COL22A1: variants seen among roughly 807,000 people sequenced by gnomAD.
COL22A1 encodes collagen type XXII alpha 1 chain.
Under a neutral mutation model 248.9 loss-of-function variants are expected in COL22A1, and 221 were observed. The observed-to-expected ratio is 0.89, with a 90% CI of 0.80 to 0.99. The LOEUF (loss-of-function observed/expected upper bound fraction) is 0.99. Ranked by LOEUF, COL22A1 falls within the 50% of genes least tolerant of loss-of-function variation. COL22A1 has a pLI of 0.00. For synonymous variants in COL22A1, 891 were observed against 793.4 expected, an observed-to-expected ratio of 1.12 and a Z score of -2.07; for missense variants, 2,240 against 2,179.0, an observed-to-expected ratio of 1.03 and a Z score of -0.56.
intron 7 of COL22A1, among the ~76,000 whole-genome samples, chr8:138,820,263 T>C (rs534059622): frequency 1.5e-4 from 23 of 152,208 alleles, no homozygotes; most frequent in Non-Finnish European, 2.9e-4. Context: ...GAAAGAGCTT[T>C]CCCCACATCA....
rs556643725 is a variant in COL22A1 at position 138,856,351 on chromosome 8, G to C, written c.659-12193C>G. 1.6e-4 allele frequency among the ~76,000 whole-genome samples: 25 copies of C among 152,296 alleles called. No individual in the cohort carries two copies. In the East Asian group the frequency reaches 4.1e-3, roughly 25 times the overall value. Reference sequence around the variant, plus strand: ...CATTTGTGTGTGAATGCATTTGGGCGTTTCTGCAGTGGGGGTGCTGGCCTT... The same window carrying C: ...CATTTGTGTGTGAATGCATTTGGGCCTTTCTGCAGTGGGGGTGCTGGCCTT... On this transcript the variant is annotated intron_variant, in intron 3 of 64. Coordinates refer to ENST00000303045, the MANE Select transcript of COL22A1 (RefSeq NM_152888.3).
intron 10 of COL22A1, among the ~76,000 whole-genome samples, chr8:138,804,080 A>G (rs917853222): frequency 2.0e-5 from 3 of 151,918 alleles, no homozygotes; most frequent in Non-Finnish European, 2.9e-5. Context: ...TACTATCCCA[A>G]TCCTCTCTTT....
intron 45 of COL22A1, among the ~76,000 whole-genome samples, chr8:138,651,941 G>A (rs1822774128): frequency 6.6e-6 from 1 of 152,174 alleles, no homozygotes; most frequent in South Asian, 2.1e-4. Flanking sequence ...TCTCAACCTG[G>A]GCCTGTTGCA....
chr8:138,808,807 T>A (rs1817940579), intron 9 of COL22A1, among the ~76,000 whole-genome samples: 2 of 152,224 alleles, frequency 1.3e-5, no homozygotes, highest in African/African-American at 4.8e-5. Flanking sequence ...TGTCATTTGC[T>A]CAGGCAAACG....
chr8:138,858,691 G>A (rs1020427938), intron 3 of COL22A1, among the ~76,000 whole-genome samples: 1 of 152,220 alleles, frequency 6.6e-6, no homozygotes, highest in Non-Finnish European at 1.5e-5. Context: ...TTATCGCTCA[G>A]TGCTCGACCC....
Position 138,655,843 on chromosome 8 carries a change from C to G in COL22A1, c.3333+54G>C, listed in dbSNP as rs150357018. The G allele has an allele frequency of 7.4e-5, 106 of 1,430,716 alleles. No homozygotes were observed. In the African/African-American group the frequency reaches 1.3e-3, roughly 17 times the overall value. The allele number at this position is 1,430,716 out of a possible 1,614,324, so 88.6% of individuals were successfully genotyped here. A position where few individuals can be genotyped will look rare whatever the true frequency, so the allele number is the denominator to read the frequency against. ...AACCCCAACTTATTATCAAGATCTC[C>G]AATCCCGCCATCACCATTTTCAAAA... On this transcript the variant is annotated intron_variant, in intron 45 of 64. Transcript: ENST00000303045.
rs936497255 is a variant in COL22A1 at position 138,705,958 on chromosome 8, C to T, written c.2518-2611G>A. Among the ~76,000 whole-genome samples the T allele has an allele frequency of 2.7e-5, 4 of 150,842 alleles. No homozygotes were observed. In the South Asian group the frequency reaches 8.4e-4, roughly 32 times the overall value. On this transcript the variant is annotated intron_variant, in intron 30 of 64. Coordinates refer to ENST00000303045, the MANE Select transcript of COL22A1 (RefSeq NM_152888.3). Reference sequence around the variant, plus strand: ...GAAGATCTACCAAGCAAATGGAAAGCAAAAAAAACCAGGGGTTGCAATCCT... The same window carrying T: ...GAAGATCTACCAAGCAAATGGAAAGTAAAAAAAACCAGGGGTTGCAATCCT...
chr8:138,684,273 A>G (rs1403952720), intron 39 of COL22A1, 152 bp downstream of exon 39: 5 of 719,608 alleles, frequency 6.9e-6, no homozygotes, highest in Non-Finnish European at 1.2e-5. Flanking sequence ...AAAAAAAAAA[A>G]AAGTCCTAGA....
At chr8:138,664,027 A>G (rs987297496) in intron 41 of COL22A1, among the ~76,000 whole-genome samples, 2 of 151,598 alleles carry the variant, frequency 1.3e-5, no homozygotes, top group African/African-American at 4.8e-5. Context: ...TTGTAGCTCT[A>G]GTGTGAGGTT....
At chr8:138,630,336 T>C (rs1307535829) in intron 50 of COL22A1, among the ~76,000 whole-genome samples, 4 of 152,296 alleles carry the variant, frequency 2.6e-5, no homozygotes, top group Non-Finnish European at 5.9e-5. Flanking sequence ...CCTAGGTGAG[T>C]TAGCACTGAG....
intron 62 of COL22A1, among the ~76,000 whole-genome samples, chr8:138,596,618 A>C (rs1817555758): frequency 6.6e-6 from 1 of 152,236 alleles, no homozygotes; most frequent in African/African-American, 2.4e-5. Context: ...TAAATGGCTC[A>C]ATGCACAGAA....
intron 12 of COL22A1, among the ~76,000 whole-genome samples, chr8:138,786,574 AG>A (rs1815535292): frequency 6.6e-6 from 1 of 152,196 alleles, no homozygotes; most frequent in African/African-American, 2.4e-5. Flanking sequence ...AAAATTCCCC[AG>A]CTGGACTCAT....
Position 138,679,512 on chromosome 8 carries a change from A to G in COL22A1, c.3072+105T>C, listed in dbSNP as rs1394715840. 4 of 934,422 alleles carry G rather than the reference A, an allele frequency of 4.3e-6. No homozygotes were observed. The East Asian group carries it at 7.2e-5, about 17-fold the overall frequency. 57.9% of individuals were successfully genotyped at this position (934,422 alleles called of 1,614,324 possible). On this transcript the variant is annotated intron_variant, in intron 40 of 64. Coordinates refer to ENST00000303045, the MANE Select transcript of COL22A1 (RefSeq NM_152888.3). ...TCCATGTTCTAAGCTTCCAAAGCCT[A>G]CTTATCAACTAAGACTCAGTCCCAT...
intron 44 of COL22A1, 44 bp from the exon 45 acceptor site, chr8:138,655,988 T>C (rs1157663813): frequency 9.5e-6 from 14 of 1,466,978 alleles, no homozygotes; most frequent in East Asian, 2.3e-5. Flanking sequence ...CATGCATATA[T>C]ACAATAAATC....
Position 138,820,519 on chromosome 8 carries a change from A to G in COL22A1, c.1245+617T>C, listed in dbSNP as rs116165314. Among the ~76,000 whole-genome samples the G allele has an allele frequency of 2.8e-3, 427 of 152,272 alleles. 5 individuals are homozygous for G. Among genetic ancestry groups the G allele is most frequent in the African/African-American group, 9.4e-3 (391 of 41,560 alleles). The stretch of plus-strand genomic sequence containing the variant: ...AATGAAGTAAGGAGGGAAGAGGAAA[A>G]ATAAAAGAAGGAAAGAACATTGATT... On this transcript the variant is annotated intron_variant, in intron 7 of 64. Transcript: ENST00000303045.
intron 11 of COL22A1, among the ~76,000 whole-genome samples, chr8:138,799,594 A>C (rs1440447152): frequency 6.6e-6 from 1 of 152,080 alleles, no homozygotes; most frequent in African/African-American, 2.4e-5. Context: ...CCTGTACATA[A>C]TCACCCCAGG....
intron 64 of COL22A1, among the ~76,000 whole-genome samples, chr8:138,590,099 C>T (rs375182127): frequency 1.3e-5 from 2 of 152,172 alleles, no homozygotes; most frequent in African/African-American, 4.8e-5. Context: ...ACTTAGTAAG[C>T]ATCATGACAT....
intron 3 of COL22A1, among the ~76,000 whole-genome samples, chr8:138,848,849 C>T (rs954046140): frequency 1.1e-4 from 16 of 152,162 alleles, no homozygotes; most frequent in Non-Finnish European, 2.2e-4. Flanking sequence ...ACGGTGGCCC[C>T]ATGTTAGATC....
intron 41 of COL22A1, among the ~76,000 whole-genome samples, chr8:138,670,583 G>A (rs985985963): frequency 2.2e-4 from 33 of 151,788 alleles, no homozygotes; most frequent in African/African-American, 8.0e-4. Context: ...ACTAAAGCAG[G>A]CAGATAAGAC....
Sources: allele counts gnomAD v4.1 joint callset (sites outside exome capture counted in the v4.1 genomes callset), GRCh38; gene constraint gnomAD v4.1.1; transcripts MANE v1.5; gene names NCBI Gene and HGNC (gene_info 2026-07-23, HGNC 2026-07-21).